SLC35E2B: variants seen among roughly 807,000 people sequenced by gnomAD.
SLC35E2B encodes solute carrier family 35, member E2B.
Under a neutral mutation model 32.4 loss-of-function variants are expected in SLC35E2B, and 18 were observed. The ratio of observed to expected loss-of-function variants is 0.56; its 90% CI spans 0.38 to 0.82. SLC35E2B has a LOEUF of 0.82. SLC35E2B is among the 40% of genes least tolerant of loss of function. SLC35E2B has a pLI of 0.00. For missense variants in SLC35E2B, 263 were observed against 469.5 expected (o/e 0.56, Z 4.06); for synonymous variants, 132 against 209.1 (o/e 0.63, Z 3.18).
chr1:1,685,397 A>G (rs1385813294), intron 2 of SLC35E2B, among the ~76,000 whole-genome samples: 1 of 138,124 alleles, frequency 7.2e-6, no homozygotes, highest in African/African-American at 2.7e-5. Context: ...TGGGCGACAC[A>G]GTGAAACGTT....
In SLC35E2B at chr1:1,663,383, C is replaced by G; in HGVS notation, c.*2399G>C. ...TCAAAGAGGCCGGCAGCCACATTCT[C>G]GACGGGGAGGTGGACAAGGCCACCC... On this transcript the variant is annotated 3_prime_UTR_variant, in exon 10 of 10. Coordinates refer to ENST00000617444, the MANE Select transcript of SLC35E2B (RefSeq NM_001290264.2). The G allele has an allele frequency of 1.1e-6, 1 of 879,564 alleles. No individual in the cohort carries two copies. Among genetic ancestry groups the G allele is most frequent in the Non-Finnish European group, 1.3e-6 (1 of 749,548 alleles). The allele number at this position is 879,564 out of a possible 1,614,324, so 54.5% of individuals were successfully genotyped here.
At chr1:1,670,902 C>A (rs1383271037) in intron 6 of SLC35E2B, 1 of 152,174 alleles carries the variant, frequency 6.6e-6, no homozygotes, top group East Asian at 1.9e-4. Context: ...TGGAGTGTGG[C>A]CATTAACAGC....
intron 2 of SLC35E2B, among the ~76,000 whole-genome samples, chr1:1,687,943 C>G (rs999537997): frequency 6.6e-6 from 1 of 152,078 alleles, no homozygotes; most frequent in Non-Finnish European, 1.5e-5. Flanking sequence ...TCATTCTCCA[C>G]AAAGCCAACC....
rs922234761 is a variant in SLC35E2B at position 1,671,482 on chromosome 1, C to T, written c.707+27G>A. On this transcript the variant is annotated intron_variant, in intron 6 of 9. Coordinates refer to ENST00000617444, the MANE Select transcript of SLC35E2B (RefSeq NM_001290264.2). ...CAGGTGAGCACCGGGTCTCGTCCCCCTCACGCCCACCTTCTCTGTGACTCA... is the reference window on the plus strand; with the variant it reads ...CAGGTGAGCACCGGGTCTCGTCCCCTTCACGCCCACCTTCTCTGTGACTCA... 6 of 1,451,628 alleles carry T rather than the reference C, an allele frequency of 4.1e-6. No homozygotes were observed. In the African/African-American group the frequency reaches 7.2e-5, roughly 17 times the overall value. 89.9% of individuals were successfully genotyped at this position (1,451,628 alleles called of 1,614,324 possible). A position where few individuals can be genotyped will look rare whatever the true frequency, so the allele number is the denominator to read the frequency against.
intron 2 of SLC35E2B, among the ~76,000 whole-genome samples, chr1:1,680,984 CTG>C (rs1482477153): frequency 3.4e-5 from 5 of 149,048 alleles, no homozygotes; most frequent in African/African-American, 1.2e-4. Context: ...TATTCAAACA[CTG>C]GGAGCTCCAC....
At position 1,662,455 on chromosome 1, in the gene SLC35E2B, C is replaced by G. The variant is rs981228749; in HGVS notation, c.*3327G>C. Reference sequence around the variant, plus strand: ...AGGAGCGCGGCGGCAGCAAGCAGAGCTCACCGGATTTGGGACAAGGATTTT... The same window carrying G: ...AGGAGCGCGGCGGCAGCAAGCAGAGGTCACCGGATTTGGGACAAGGATTTT... On this transcript the variant is annotated 3_prime_UTR_variant, in exon 10 of 10. Transcript: ENST00000617444. The G allele has an allele frequency of 2.5e-6, 2 of 795,500 alleles. 1 individual carries two copies. The highest frequency in any genetic ancestry group is 3.0e-6 in the Non-Finnish European group (2 of 661,560). 49.3% of individuals were successfully genotyped at this position (795,500 alleles called of 1,614,324 possible).
chr1:1,685,725 A>G (rs894351705), intron 2 of SLC35E2B, among the ~76,000 whole-genome samples: 22 of 152,170 alleles, frequency 1.4e-4, no homozygotes, highest in African/African-American at 5.3e-4. Context: ...ACTCGGGTGC[A>G]TGGACGCTGG....
At chr1:1,669,813 C>A (rs913409578) in intron 7 of SLC35E2B, 77 bp from the exon 8 acceptor site, 17 of 1,390,290 alleles carry the variant, frequency 1.2e-5, no homozygotes, top group Non-Finnish European at 1.6e-5. Context: ...ACAGCAAGAA[C>A]ACCCAGGCAC....
intron 9 of SLC35E2B, among the ~76,000 whole-genome samples, chr1:1,667,895 C>A (rs1643586188): frequency 6.6e-6 from 1 of 151,750 alleles, no homozygotes; most frequent in Non-Finnish European, 1.5e-5. Flanking sequence ...TCCCATCCCC[C>A]AGGCTGGAGT....
At position 1,665,988 on chromosome 1, in the gene SLC35E2B, T is replaced by C; in HGVS notation, c.1012A>G (p.Ile338Val). 1.3e-6 allele frequency: 2 copies of C among 1,551,496 alleles called. No individual in the cohort carries two copies. Among genetic ancestry groups the C allele is most frequent in the Non-Finnish European group, 1.7e-6 (2 of 1,146,964 alleles). Residue 338 changes from isoleucine to valine, a missense_variant, in exon 10 of 10, where the codon ATC (isoleucine) becomes GTC (valine). Physicochemically the swap from Ile to Val is conservative, Grantham distance 29. Around this residue, in one of 7 missense-constraint regions of SLC35E2B, gnomAD observed 38 missense variants for 56.9 expected, o/e 0.67. Coordinates refer to ENST00000617444, the MANE Select transcript of SLC35E2B (RefSeq NM_001290264.2). ...VASTVKHALS[I>V]WLSVIVFGNK... The stretch of plus-strand genomic sequence containing the variant: ...CCGAAAACGATTACGCTGAGCCAGA[T>C]GGACAAGGCATGTTTCACGGTGCTG...
At chr1:1,688,067 G>A (rs528387439) in intron 2 of SLC35E2B, among the ~76,000 whole-genome samples, 7 of 152,084 alleles carry the variant, frequency 4.6e-5, no homozygotes, top group Non-Finnish European at 8.8e-5. Flanking sequence ...AGGGTTGGCC[G>A]AGGGAGGGCG....
rs553483637 is a variant in SLC35E2B at position 1,662,705 on chromosome 1, G to C, written c.*3077C>G. Reference sequence around the variant, plus strand: ...TTTAACCTTTTTATGCCTTTCAGTAGGGGAAGTTTCCTTGAAAGAGAGCTG... The same window carrying C: ...TTTAACCTTTTTATGCCTTTCAGTACGGGAAGTTTCCTTGAAAGAGAGCTG... On this transcript the variant is annotated 3_prime_UTR_variant, in exon 10 of 10. Transcript: ENST00000617444. 1 of 741,634 alleles carries C rather than the reference G, an allele frequency of 1.3e-6. No individual in the cohort carries two copies. Among genetic ancestry groups the C allele is most frequent in the South Asian group, 5.6e-5 (1 of 17,706 alleles). 45.9% of individuals were successfully genotyped at this position (741,634 alleles called of 1,614,324 possible). A position where few individuals can be genotyped will look rare whatever the true frequency, so the allele number is the denominator to read the frequency against.
intron 2 of SLC35E2B, among the ~76,000 whole-genome samples, chr1:1,681,557 A>C (rs1440927068): frequency 6.6e-6 from 1 of 151,186 alleles, no homozygotes; most frequent in Non-Finnish European, 1.5e-5. Context: ...CCCAGGCTAG[A>C]GTGCAGTGGC....
intron 2 of SLC35E2B, among the ~76,000 whole-genome samples, chr1:1,681,653 T>A (rs1643900508): frequency 6.7e-6 from 1 of 148,588 alleles, no homozygotes; most frequent in South Asian, 2.2e-4. Context: ...ATTATAGGCA[T>A]GCGCCACCAA....
At chr1:1,669,553 C>G (rs1570314702) in intron 8 of SLC35E2B, 111 bp downstream of exon 8, 1 of 1,159,156 alleles carries the variant, frequency 8.6e-7, no homozygotes, top group South Asian at 1.7e-5. Flanking sequence ...CGCAGCGGAG[C>G]TGGGCCCAAC....
In SLC35E2B at chr1:1,667,251, C is replaced by CA. The variant is rs1215592594; in HGVS notation, c.980+1075dup. 2.4e-3 allele frequency among the ~76,000 whole-genome samples: 315 copies of CA among 132,502 alleles called. 2 individuals carry two copies. The highest frequency in any genetic ancestry group is 8.1e-3 in the Middle Eastern group (2 of 246). 86.9% of individuals were successfully genotyped at this position (132,502 alleles called of 152,430 possible). On this transcript the variant is annotated intron_variant, in intron 9 of 9. Coordinates refer to ENST00000617444, the MANE Select transcript of SLC35E2B (RefSeq NM_001290264.2). ...GAAACCCTGTCTCTACTAAAAAATA[C>CA]AAAAAAAAAAAATTAGCCGGGCGTG... is the stretch of plus-strand genomic sequence containing the variant.
At chr1:1,673,441 G>A (rs1488239710) in intron 5 of SLC35E2B, 9 of 299,976 alleles carry the variant, frequency 3.0e-5, no homozygotes, top group Non-Finnish European at 4.7e-5. Context: ...AGGCTGAGGC[G>A]GGCAGATCAC....
chr1:1,671,807 A>G (rs2101098145), intron 5 of SLC35E2B, among the ~76,000 whole-genome samples, 178 bp from the exon 6 acceptor site: 1 of 152,320 alleles, frequency 6.6e-6, no homozygotes, highest in Non-Finnish European at 1.5e-5. Context: ...GTGTCTGCAA[A>G]TAAGTCCCGT....
chr1:1,663,298 G>T lies in SLC35E2B; in HGVS notation c.*2484C>A. On this transcript the variant is annotated 3_prime_UTR_variant, in exon 10 of 10. Coordinates refer to ENST00000617444, the MANE Select transcript of SLC35E2B (RefSeq NM_001290264.2). ...GAGGGCACCAGATGCTGTGCGGCTG[G>T]AAATTCCAAGGTGCTCAGAACCAGG... 1.0e-6 allele frequency: 1 copy of T among 981,362 alleles called. No individual in the cohort carries two copies. The highest frequency in any genetic ancestry group is 1.2e-6 in the Non-Finnish European group (1 of 827,262). The allele number at this position is 981,362 out of a possible 1,614,324, so 60.8% of individuals were successfully genotyped here.
Sources: allele counts gnomAD v4.1 joint callset (sites outside exome capture counted in the v4.1 genomes callset), GRCh38; gene constraint gnomAD v4.1.1; regional missense constraint gnomAD v4.1.1; transcripts MANE v1.5; gene names NCBI Gene and HGNC (gene_info 2026-07-23, HGNC 2026-07-21).